The following ATP8B2 variants were observed in gnomAD, a reference collection of about 807,000 sequenced individuals.
ATP8B2 encodes ATPase phospholipid transporting 8B2, also known as phospholipid-transporting ATPase ID.
In ATP8B2, 70 loss-of-function variants were observed where a neutral mutation model predicts 133.4. That is an observed-to-expected ratio of 0.52 (90% CI 0.43 to 0.64). ATP8B2 has a LOEUF of 0.64. Among genes scored for constraint, ATP8B2 ranks in the 30% least tolerant of loss-of-function variants. The pLI, the probability that ATP8B2 is intolerant of heterozygous loss-of-function variation, is 0.00. For missense variants in ATP8B2, 1,101 were observed against 1,535.7 expected (o/e 0.72, Z 4.73); for synonymous variants, 517 against 589.5 (o/e 0.88, Z 1.78).
At chr1:154,338,668 C>T (rs1626035) in intron 12 of ATP8B2, 107,803 of 152,038 alleles carry the variant, frequency 0.71, 38,944 homozygotes, top group East Asian at 0.86. Context: ...CAAAAAACAA[C>T]GAAACAAACA....
Position 154,346,661 on chromosome 1 carries a change from C to A in ATP8B2, c.3066C>A (p.Phe1022Leu). The A allele has an allele frequency of 6.2e-7, 1 of 1,614,230 alleles. No individual in the cohort carries two copies. The highest frequency in any genetic ancestry group is 8.5e-7 in the Non-Finnish European group (1 of 1,180,046). Residue 1022 changes from phenylalanine to leucine, a missense_variant, in exon 26 of 28, where the codon TTC becomes TTA. Phe to Leu is a conservative substitution (Grantham distance 22, BLOSUM62 0). Coordinates refer to ENST00000368489, the MANE Select transcript of ATP8B2 (RefSeq NM_001370597.1). This position sits in a 1 kb window ranked among gnomAD's most constrained non-coding sequence, Gnocchi z 4.5. ...GCTACTGGACGGCCATCAACCACTT[C>A]TTCATCTGGGGAAGCCTTGCTGTTT... Reference protein sequence around the residue: ...DTGYWTAINHFFIWGSLAVYF... With the variant: ...DTGYWTAINHLFIWGSLAVYF...
chr1:154,328,592 C>T lies in ATP8B2; in HGVS notation c.31+420C>T, dbSNP rs567724439. On this transcript the variant is annotated intron_variant, in intron 2 of 27. Coordinates refer to ENST00000368489, the MANE Select transcript of ATP8B2 (RefSeq NM_001370597.1). This position sits in a 1 kb window ranked among gnomAD's most constrained non-coding sequence, Gnocchi z 4.6. Reference sequence around the variant, plus strand: ...CCCCCGACAACGCCGGCAGTCCGCTCACCCGCATTGGCCCGGCCCGGGGGT... The same window carrying T: ...CCCCCGACAACGCCGGCAGTCCGCTTACCCGCATTGGCCCGGCCCGGGGGT... Among the ~76,000 whole-genome samples the T allele has an allele frequency of 6.6e-6, 1 of 152,298 alleles. No homozygotes were observed. Among genetic ancestry groups the T allele is most frequent in the Admixed American group, 6.5e-5 (1 of 15,302 alleles).
chr1:154,343,602 G>A lies in ATP8B2; in HGVS notation c.1758+34G>A, dbSNP rs758352726. 6.3e-7 allele frequency: 1 copy of A among 1,591,518 alleles called. No homozygotes were observed. Among genetic ancestry groups the A allele is most frequent in the Middle Eastern group, 1.7e-4 (1 of 6,038 alleles). ...GAGGAGAGGAGGGGCCAGCCTGGGG[G>A]GTTCTACTCTTAGTGTGGGGGAGGC... On this transcript the variant is annotated intron_variant, in intron 17 of 27. Coordinates refer to ENST00000368489, the MANE Select transcript of ATP8B2 (RefSeq NM_001370597.1). This position sits in a 1 kb window ranked among gnomAD's most constrained non-coding sequence, Gnocchi z 5.8.
Position 154,343,056 on chromosome 1 carries a change from G to C in ATP8B2, c.1454-57G>C. Reference sequence around the variant, plus strand: ...GCGGCTGGGCTGGGGCTTCCTGGGCGGGGCACGTGGCTGAGGGAAGCCACT... The same window carrying C: ...GCGGCTGGGCTGGGGCTTCCTGGGCCGGGCACGTGGCTGAGGGAAGCCACT... On this transcript the variant is annotated intron_variant, in intron 15 of 27. Transcript: ENST00000368489. This position sits in a 1 kb window ranked among gnomAD's most constrained non-coding sequence, Gnocchi z 5.8. 6.3e-7 allele frequency: 1 copy of C among 1,594,524 alleles called. No individual in the cohort carries two copies. The highest frequency in any genetic ancestry group is 8.6e-7 in the Non-Finnish European group (1 of 1,168,840).
At position 154,340,802 on chromosome 1, in the gene ATP8B2, G is replaced by A; in HGVS notation, c.1035-52G>A. The A allele has an allele frequency of 6.4e-7, 1 of 1,567,358 alleles. No individual in the cohort carries two copies. On this transcript the variant is annotated intron_variant, in intron 12 of 27. Coordinates refer to ENST00000368489, the MANE Select transcript of ATP8B2 (RefSeq NM_001370597.1). This position sits in a 1 kb window ranked among gnomAD's most constrained non-coding sequence, Gnocchi z 4.0. ...CCTGCAGCGAAGGCCCATGTGGGTGGGGCACCTCCTCTTCTTCCCGACCCA... is the reference window on the plus strand; with the variant it reads ...CCTGCAGCGAAGGCCCATGTGGGTGAGGCACCTCCTCTTCTTCCCGACCCA...
At chr1:154,329,225 T>G (rs1261064060) in intron 2 of ATP8B2, 1 of 758,452 alleles carries the variant, frequency 1.3e-6, no homozygotes, top group African/African-American at 1.9e-5. Context: ...GTCCCTACCT[T>G]CTTCGTTTGC....
chr1:154,336,849 C>T (rs1686202572), intron 11 of ATP8B2, among the ~76,000 whole-genome samples: 1 of 147,246 alleles, frequency 6.8e-6, no homozygotes, highest in African/African-American at 2.5e-5. Flanking sequence ...GGCTGGGATG[C>T]AGTGGCATGA....
chr1:154,348,285 TG>T, intron 26 of ATP8B2, 122 bp from the exon 27 acceptor site: 2 of 1,096,154 alleles, frequency 1.8e-6, no homozygotes, highest in South Asian at 1.9e-5. Flanking sequence ...AGGGTGAGCC[TG>T]GAGAAGCGGG....
chr1:154,335,736 T>A (rs1277710190), intron 11 of ATP8B2, among the ~76,000 whole-genome samples: 6 of 141,502 alleles, frequency 4.2e-5, no homozygotes, highest in African/African-American at 1.0e-4. Flanking sequence ...TTCCCAAGTT[T>A]AAAAAAAAAA....
chr1:154,344,540 G>A lies in ATP8B2; in HGVS notation c.2141+40G>A, dbSNP rs1262511079. On this transcript the variant is annotated intron_variant, in intron 20 of 27. Transcript: ENST00000368489. This position sits in a 1 kb window ranked among gnomAD's most constrained non-coding sequence, Gnocchi z 4.1. ...CAGGGGAGGCGGTGCTGTGCGTTGT[G>A]CCCAGGGCTCAGGTGGGGGTTTCTG... The A allele has an allele frequency of 3.1e-6, 5 of 1,613,724 alleles. No homozygotes were observed. The highest frequency in any genetic ancestry group is 4.2e-6 in the Non-Finnish European group (5 of 1,179,764).
rs754903675 is a variant in ATP8B2 at position 154,340,949 on chromosome 1, C to G, written c.1130C>G (p.Thr377Ser). 1.2e-6 allele frequency: 2 copies of G among 1,614,202 alleles called. No homozygotes were observed. The highest frequency in any genetic ancestry group is 1.7e-6 in the Non-Finnish European group (2 of 1,180,026). The change falls in exon 13 of 28, where the codon ACC (threonine) becomes AGC (serine). Residue 377 changes from threonine (T) to serine (S), a missense_variant. By Grantham distance (58) the Thr-to-Ser change is moderately conservative (BLOSUM62 1). Coordinates refer to ENST00000368489, the MANE Select transcript of ATP8B2 (RefSeq NM_001370597.1). The surrounding 1 kb of genome is among the most constrained non-coding windows in gnomAD (Gnocchi z 4.0). ...KKRTPAEART[T>S]TLNEELGQVE... ...CGGACGCCTGCAGAAGCCCGCACCA[C>G]CACCCTAAACGAGGAGCTGGGCCAG...
Position 154,345,381 on chromosome 1 carries a change from G to C in ATP8B2, c.2530G>C (p.Asp844His), listed in dbSNP as rs768814051. The change falls in exon 23 of 28, where the codon GAT becomes CAT. Residue 844 changes from aspartate (D) to histidine (H), a missense_variant. Transcript: ENST00000368489. This position sits in a 1 kb window ranked among gnomAD's most constrained non-coding sequence, Gnocchi z 5.6. ...AGGGATCCAGGCTGTCTTGGCCTCCGATTACTCCTTCTCCCAGTTCAAGTT... is the reference window on the plus strand; with the variant it reads ...AGGGATCCAGGCTGTCTTGGCCTCCCATTACTCCTTCTCCCAGTTCAAGTT... ...QEGIQAVLAS[D>H]YSFSQFKFLQ... is the part of the protein sequence containing the mutation. 6.2e-7 allele frequency: 1 copy of C among 1,614,088 alleles called. No homozygotes were observed. Among genetic ancestry groups the C allele is most frequent in the African/African-American group, 1.3e-5 (1 of 74,950 alleles).
intron 12 of ATP8B2, among the ~76,000 whole-genome samples, chr1:154,338,504 A>G (rs1686268296): frequency 6.6e-6 from 1 of 152,132 alleles, no homozygotes; most frequent in African/African-American, 2.4e-5. Flanking sequence ...TACTAAAAAT[A>G]CAAAAATTAG....
chr1:154,348,525 A>G lies in ATP8B2; in HGVS notation c.3281A>G (p.Asp1094Gly). 6.2e-7 allele frequency: 1 copy of G among 1,613,926 alleles called. No individual in the cohort carries two copies. The highest frequency in any genetic ancestry group is 8.5e-7 in the Non-Finnish European group (1 of 1,179,934). Residue 1094 changes from aspartate (D) to glycine (G), a missense_variant, in exon 27 of 28, where the codon GAT (aspartate) becomes GGT (glycine). By Grantham distance (94) the Asp-to-Gly change is moderately conservative. Coordinates refer to ENST00000368489, the MANE Select transcript of ATP8B2 (RefSeq NM_001370597.1). ...TTCCTCAGGCTCAACCTGAAGCCGG[A>G]TCTCTCCGACACGGTGAGAAGCCAG... is the stretch of plus-strand genomic sequence containing the variant. The part of the protein sequence containing the change: ...FRFLRLNLKP[D>G]LSDTVRYTQL...
rs1480611423 is a variant in ATP8B2, at chr1:154,343,730, A to G, written c.1758+162A>G. ...CTACAGTCAGACAACTTAACACATC[A>G]GCCAGCTCCCATAGTTACCTCTTTT... On this transcript the variant is annotated intron_variant, in intron 17 of 27. Transcript: ENST00000368489. The surrounding 1 kb of genome is among the most constrained non-coding windows in gnomAD (Gnocchi z 5.8). Among the ~76,000 whole-genome samples the G allele has an allele frequency of 1.3e-4, 20 of 152,230 alleles. No homozygotes were observed.
Position 154,331,411 on chromosome 1 carries a change from A to T in ATP8B2, c.304-33A>T. On this transcript the variant is annotated intron_variant, in intron 5 of 27. Coordinates refer to ENST00000368489, the MANE Select transcript of ATP8B2 (RefSeq NM_001370597.1). This position sits in a 1 kb window ranked among gnomAD's most constrained non-coding sequence, Gnocchi z 4.8. ...CAACGAATTCCTTCGAGGCGGGGGA[A>T]GGTGTCTTACCTTTCAGTTTTCTTC... 6.2e-7 allele frequency: 1 copy of T among 1,606,680 alleles called. No homozygotes were observed. The highest frequency in any genetic ancestry group is 8.5e-7 in the Non-Finnish European group (1 of 1,174,116).
intron 9 of ATP8B2, among the ~76,000 whole-genome samples, chr1:154,333,254 A>T (rs1205370583): frequency 6.6e-6 from 1 of 152,000 alleles, no homozygotes; most frequent in Non-Finnish European, 1.5e-5. Context: ...CGGAGGTTGC[A>T]GGGAGGCGGA....
intron 1 of ATP8B2, chr1:154,327,844 C>G (rs776502010): frequency 1.2e-6 from 2 of 1,613,798 alleles, no homozygotes; most frequent in Non-Finnish European, 1.7e-6. Context: ...TATCTGGCCT[C>G]TTCTCCTTTC....
At chr1:154,337,943 C>T (rs1686246650) in intron 12 of ATP8B2, 5 of 377,772 alleles carry the variant, frequency 1.3e-5, no homozygotes, top group Non-Finnish European at 2.3e-5. Flanking sequence ...AGAATTCGAC[C>T]TAGAGTCTTC....
Sources: allele counts gnomAD v4.1 joint callset (sites outside exome capture counted in the v4.1 genomes callset), GRCh38; gene constraint gnomAD v4.1.1; non-coding constraint Gnocchi (gnomAD v3.1); transcripts MANE v1.5; gene names NCBI Gene and HGNC (gene_info 2026-07-23, HGNC 2026-07-21).